The following TMEM63A variants were observed in gnomAD, a reference collection of about 807,000 sequenced individuals.
The protein encoded by TMEM63A is mechanosensitive cation channel TMEM63A.
In TMEM63A, 76 loss-of-function variants were observed where a neutral mutation model predicts 100.6. That is an observed-to-expected ratio of 0.76 (90% CI 0.63 to 0.91). The LOEUF is 0.91. TMEM63A is among the 40% of genes least tolerant of loss of function. The pLI is 0.00. For synonymous variants in TMEM63A, 401 were observed against 401.1 expected (o/e 1.00, Z 0.00); for missense variants, 876 against 1,008.8 (o/e 0.87, Z 1.78).
At chr1:225,859,450 TG>T (rs1669823157) in intron 14 of TMEM63A, 101 bp from the exon 15 acceptor site, 1 of 1,431,506 alleles carries the variant, frequency 7.0e-7, no homozygotes, top group Admixed American at 2.1e-5. Context: ...GAGACTAGCC[TG>T]GGGGCAAGTT....
rs1216374153 is a variant in TMEM63A at position 225,874,104 on chromosome 1, T to C, written c.266+184A>G. Among the ~76,000 whole-genome samples the C allele has an allele frequency of 5.3e-5, 8 of 152,288 alleles. No individual in the cohort carries two copies. In the East Asian group the frequency reaches 1.4e-3, roughly 26 times the overall value. On this transcript the variant is annotated intron_variant, in intron 4 of 24. Coordinates refer to ENST00000366835, the MANE Select transcript of TMEM63A (RefSeq NM_014698.3). ...GATACACTTAATGAACACAATCTCA[T>C]AGCAGTGTCATGTGTGGGTCCTGCC...
Position 225,848,969 on chromosome 1 carries a change from C to T in TMEM63A, c.2115G>A (p.Leu705=). 1 of 1,604,532 alleles carries T rather than the reference C, an allele frequency of 6.2e-7. No individual in the cohort carries two copies. Among genetic ancestry groups the T allele is most frequent in the Non-Finnish European group, 8.5e-7 (1 of 1,176,398 alleles). Reference sequence around the variant, plus strand: ...GAGCCAGGCAGACCAGGATGGTGAGCAGCAGCACCAGGAAGGTGAACAGAG... The same window carrying T: ...GAGCCAGGCAGACCAGGATGGTGAGTAGCAGCACCAGGAAGGTGAACAGAG... ...PATLFTFLVL[L]LTILVCLAHT... is the part of the protein sequence containing the mutation. Residue 705 remains leucine, a synonymous_variant, in exon 22 of 25, where the codon CTG becomes CTA. Transcript: ENST00000366835.
intron 8 of TMEM63A, 91 bp from the exon 9 acceptor site, chr1:225,866,773 T>C: frequency 1.7e-6 from 2 of 1,147,474 alleles, no homozygotes; most frequent in African/African-American, 1.5e-5. Context: ...CAGTGGGCAC[T>C]GAACTGAGGA....
Position 225,867,283 on chromosome 1 carries a change from G to T in TMEM63A, c.515-120C>A, listed in dbSNP as rs575953418. The T allele has an allele frequency of 2.0e-6, 2 of 980,602 alleles. No homozygotes were observed. Among genetic ancestry groups the T allele is most frequent in the Admixed American group, 1.7e-5 (1 of 58,714 alleles). The allele number at this position is 980,602 out of a possible 1,614,324, so 60.7% of individuals were successfully genotyped here. ...AGGAGCATGTCTGGACCAGCAGGAA[G>T]ACAACGTCTGACTGGTCTTTCCAGA... is the stretch of plus-strand genomic sequence containing the variant. On this transcript the variant is annotated intron_variant, in intron 7 of 24. Coordinates refer to ENST00000366835, the MANE Select transcript of TMEM63A (RefSeq NM_014698.3). The surrounding 1 kb of genome is among the most constrained non-coding windows in gnomAD (Gnocchi z 4.6).
intron 3 of TMEM63A, among the ~76,000 whole-genome samples, chr1:225,875,316 C>A (rs770105946): frequency 2.0e-5 from 3 of 152,226 alleles, no homozygotes; most frequent in African/African-American, 7.2e-5. Context: ...ACACTCTAGA[C>A]TGTCCTCACT....
intron 9 of TMEM63A, chr1:225,866,194 T>C: frequency 1.8e-6 from 1 of 563,452 alleles, no homozygotes; most frequent in South Asian, 2.0e-5. Flanking sequence ...TGAGCCTTCT[T>C]TGCATGGCAG....
rs142080233 is a variant in TMEM63A, at chr1:225,874,016, G to A, written c.266+272C>T. Reference sequence around the variant, plus strand: ...GTTTTGTGAGCACAATGAGGGTAGCGAGGCTGACCTCATGGGTCTGTGGTG... The same window carrying A: ...GTTTTGTGAGCACAATGAGGGTAGCAAGGCTGACCTCATGGGTCTGTGGTG... On this transcript the variant is annotated intron_variant, in intron 4 of 24. Transcript: ENST00000366835. Among the ~76,000 whole-genome samples, 333 of 152,276 alleles carry A rather than the reference G, an allele frequency of 2.2e-3. 2 individuals carry two copies. Among genetic ancestry groups the A allele is most frequent in the Middle Eastern group, 0.01 (3 of 294 alleles).
At chr1:225,872,817 C>T (rs554665056) in intron 4 of TMEM63A, among the ~76,000 whole-genome samples, 1 of 151,780 alleles carries the variant, frequency 6.6e-6, no homozygotes, top group South Asian at 2.1e-4. Context: ...CCTCAGTCTC[C>T]CGAGTAGCTG....
Position 225,871,230 on chromosome 1 carries a change from C to T in TMEM63A, c.334-117G>A. 4 of 1,063,224 alleles carry T rather than the reference C, an allele frequency of 3.8e-6. No homozygotes were observed. In the South Asian group the frequency reaches 5.7e-5, roughly 15 times the overall value. 65.9% of individuals were successfully genotyped at this position (1,063,224 alleles called of 1,614,324 possible). ...ACCTCCTGTTGTATAAAAAACAGTGCTTTTATCCCATATTCAGCAAGCATG... is the reference window on the plus strand; with the variant it reads ...ACCTCCTGTTGTATAAAAAACAGTGTTTTTATCCCATATTCAGCAAGCATG... On this transcript the variant is annotated intron_variant, in intron 5 of 24. Coordinates refer to ENST00000366835, the MANE Select transcript of TMEM63A (RefSeq NM_014698.3).
chr1:225,876,063 C>CAAAAAAAAAAAAAA (rs532420561), intron 3 of TMEM63A, among the ~76,000 whole-genome samples: 1 of 32,920 alleles, frequency 3.0e-5, no homozygotes, highest in East Asian at 1.3e-3. Flanking sequence ...GACCTTGTCT[C>CAAAAAAAAAAAAAA]AAAAAAAAAA....
rs1472072565 is a variant in TMEM63A, at chr1:225,867,608, G to A, written c.514+280C>T. ...GACCTCCTAATTTGGGTGAGGGCAG[G>A]AAAGTATAAAAGACTCTCTGATAGC... On this transcript the variant is annotated intron_variant, in intron 7 of 24. Coordinates refer to ENST00000366835, the MANE Select transcript of TMEM63A (RefSeq NM_014698.3). The surrounding 1 kb of genome is among the most constrained non-coding windows in gnomAD (Gnocchi z 4.6). Among the ~76,000 whole-genome samples, 1 of 152,122 alleles carries A rather than the reference G, an allele frequency of 6.6e-6. No homozygotes were observed. Among genetic ancestry groups the A allele is most frequent in the Non-Finnish European group, 1.5e-5 (1 of 68,020 alleles).
chr1:225,880,923 G>T (rs1025633238), intron 1 of TMEM63A, among the ~76,000 whole-genome samples: 5 of 152,210 alleles, frequency 3.3e-5, no homozygotes, highest in Admixed American at 3.3e-4. Context: ...GTTCGTTCTT[G>T]CAAGAAGGCC....
chr1:225,880,523 G>A (rs1311783602), intron 1 of TMEM63A, among the ~76,000 whole-genome samples: 2 of 152,114 alleles, frequency 1.3e-5, no homozygotes, highest in Non-Finnish European at 2.9e-5. Context: ...GGCACTGCCT[G>A]GCTGAGAACC....
At chr1:225,861,164 G>T in intron 13 of TMEM63A, 167 bp from the exon 14 acceptor site, 1 of 649,160 alleles carries the variant, frequency 1.5e-6, no homozygotes, top group Non-Finnish European at 2.3e-6. Context: ...CGCTAGCACA[G>T]TGTGTGGAGA....
At chr1:225,864,717 G>A (rs994401732) in intron 10 of TMEM63A, 17 of 152,286 alleles carry the variant, frequency 1.1e-4, no homozygotes, top group African/African-American at 4.1e-4. Flanking sequence ...TTCAGTTTAC[G>A]ATCCTGTCTA....
At chr1:225,841,422 A>G (rs1174088306), downstream of TMEM63A, among the ~76,000 whole-genome samples, 1 of 151,228 alleles carries the variant, frequency 6.6e-6, no homozygotes, top group African/African-American at 2.4e-5. Flanking sequence ...AGCTGGGATT[A>G]CAGGCACCTG....
chr1:225,845,002 G>A, downstream of TMEM63A: 1 of 921,932 alleles, frequency 1.1e-6, no homozygotes, highest in Non-Finnish European at 1.7e-6. Context: ...GAGAGCGGTT[G>A]AGACCCTGGA....
Position 225,847,136 on chromosome 1 carries a change from G to T in TMEM63A, c.2328C>A (p.Thr776=). The part of the protein sequence containing the change: ...ALSPQQQQQQ[T]YGAIHNISGT... ...CGCTGATGTTGTGGATGGCACCATA[G>T]GTCTGCTGCTGCTGCTGCTGCGGAG... The change falls in exon 24 of 25, where the codon ACC becomes ACA. Residue 776 remains threonine, a synonymous_variant. Coordinates refer to ENST00000366835, the MANE Select transcript of TMEM63A (RefSeq NM_014698.3). 1 of 1,612,368 alleles carries T rather than the reference G, an allele frequency of 6.2e-7. No homozygotes were observed. Among genetic ancestry groups the T allele is most frequent in the Non-Finnish European group, 8.5e-7 (1 of 1,178,692 alleles).
downstream of TMEM63A, among the ~76,000 whole-genome samples, chr1:225,843,997 T>TG (rs1329861649): frequency 6.6e-6 from 1 of 151,740 alleles, no homozygotes; most frequent in Non-Finnish European, 1.5e-5. Context: ...GAAGGTGGGG[T>TG]GGGGGCTGTG....
Sources: gnomAD v4.1 joint callset for allele counts (sites outside exome capture counted in the v4.1 genomes callset) on GRCh38, gnomAD v4.1.1 for gene constraint, Gnocchi (gnomAD v3.1) non-coding constraint, MANE v1.5 for transcripts, NCBI Gene and HGNC (gene_info 2026-07-23, HGNC 2026-07-21) for gene names.